SBNO2: variants seen among roughly 807,000 people sequenced by gnomAD.
SBNO2 encodes the protein protein strawberry notch homolog 2.
SBNO2 carries 89 observed loss-of-function variants against 146.3 expected under a neutral mutation model. The ratio of observed to expected loss-of-function variants is 0.61; its 90% CI spans 0.51 to 0.73. The LOEUF (loss-of-function observed/expected upper bound fraction) is 0.73, where lower values mean the gene tolerates loss of function less well. Among genes scored for constraint, SBNO2 ranks in the 30% least tolerant of loss-of-function variants. The probability of loss-of-function intolerance (pLI) is 0.00; values close to 1 mark genes in which losing one functional copy is unlikely to be tolerated. For missense variants in SBNO2, 2,092 were observed against 2,003.7 expected, an observed-to-expected ratio of 1.04 and a Z score of -0.84; for synonymous variants, 1,147 against 892.6, an observed-to-expected ratio of 1.29 and a Z score of -5.08.
intron 4 of SBNO2, 36 bp downstream of exon 4, chr19:1,147,273 G>GC (rs749954887): frequency 1.7e-5 from 24 of 1,407,208 alleles, no homozygotes; most frequent in South Asian, 2.4e-5. Context: ...ACTCCACCCT[G>GC]CCCCCCACGG....
chr19:1,120,195 G>GCGGGCAGGCGGCC (rs2079883930), intron 11 of SBNO2, 172 bp from the exon 12 acceptor site: 1 of 600,538 alleles, frequency 1.7e-6, no homozygotes, highest in Non-Finnish European at 3.0e-6. Flanking sequence ...TGGGGGGCGG[G>GCGGGCAGGCGGCC]CGGGCAGGCG....
At chr19:1,146,250 C>T (rs528140757) in intron 4 of SBNO2, among the ~76,000 whole-genome samples, 21 of 152,204 alleles carry the variant, frequency 1.4e-4, no homozygotes, top group South Asian at 6.2e-4. Context: ...TTGACGGACG[C>T]GGTCACCCCA....
intron 9 of SBNO2, 27 bp from the exon 10 acceptor site, chr19:1,122,585 C>T (rs1162743655): frequency 6.6e-7 from 1 of 1,516,658 alleles, no homozygotes; most frequent in Non-Finnish European, 8.8e-7. Flanking sequence ...TCAGGCGCGC[C>T]CACCCTTCCC....
In SBNO2 at chr19:1,112,229, C is replaced by A; in HGVS notation, c.2588G>T (p.Arg863Leu). Reference sequence around the variant, plus strand: ...CTTGGCCACGATGGAGGCGAACCGGCGCTCCCCGGCCAGCTCCGAGATGAG... The same window carrying A: ...CTTGGCCACGATGGAGGCGAACCGGAGCTCCCCGGCCAGCTCCGAGATGAG... ...VFLISELAGE[R>L]RFASIVAKRL... is the part of the protein sequence containing the mutation. The change falls in exon 22 of 32, where the codon CGC becomes CTC. Residue 863 changes from arginine (R) to leucine (L), a missense_variant. Coordinates refer to ENST00000361757, the MANE Select transcript of SBNO2 (RefSeq NM_014963.3). The surrounding 1 kb of genome is among the most constrained non-coding windows in gnomAD (Gnocchi z 5.9). 6.3e-7 allele frequency: 1 copy of A among 1,590,638 alleles called. No homozygotes were observed. The highest frequency in any genetic ancestry group is 8.6e-7 in the Non-Finnish European group (1 of 1,168,936).
At chr19:1,115,940 A>C in intron 17 of SBNO2, 81 bp downstream of exon 17, 1 of 1,105,690 alleles carries the variant, frequency 9.0e-7, no homozygotes, top group African/African-American at 1.6e-5. Context: ...GGAGTGGGGG[A>C]AGCAGGGAGC....
At chr19:1,117,607 G>T (rs1378329482) in intron 14 of SBNO2, 108 bp from the exon 15 acceptor site, 2 of 1,173,170 alleles carry the variant, frequency 1.7e-6, no homozygotes, top group South Asian at 1.5e-5. Flanking sequence ...ACGCCAGGTG[G>T]AATTTAGGGC....
chr19:1,131,933 A>ACGGGG (rs2080033232), intron 4 of SBNO2, among the ~76,000 whole-genome samples: 1 of 152,184 alleles, frequency 6.6e-6, no homozygotes, highest in African/African-American at 2.4e-5. Flanking sequence ...GAAGAGACGG[A>ACGGGG]CGGGGCGGGG....
chr19:1,149,398 C>T lies in SBNO2; in HGVS notation c.138G>A (p.Pro46=), dbSNP rs942427751. ...HCPYWNTFSL[P]PYPAFSSDSR... ...TGTCGCTGGAGAAGGCAGGGTATGG[C>T]GGCAGCGAGAAGGTGTTCCAGTAGG... The change falls in exon 3 of 32, where the codon CCG becomes CCA. Residue 46 remains proline (P), a synonymous_variant. Transcript: ENST00000361757. 47 of 1,552,226 alleles carry T rather than the reference C, an allele frequency of 3.0e-5. No individual in the cohort carries two copies. Among genetic ancestry groups the T allele is most frequent in the Admixed American group, 2.7e-4 (14 of 51,188 alleles).
intron 4 of SBNO2, chr19:1,132,196 A>G: frequency 7.3e-7 from 1 of 1,371,166 alleles, no homozygotes; most frequent in Non-Finnish European, 9.4e-7. Flanking sequence ...CGGCTCCCTC[A>G]TGACCGCGGC....
intron 18 of SBNO2, among the ~76,000 whole-genome samples, 198 bp from the exon 19 acceptor site, chr19:1,113,902 C>G (rs1441567395): frequency 6.6e-6 from 1 of 152,212 alleles, no homozygotes. Context: ...TGGGGCGAGA[C>G]TAAGCCTCCT....
At chr19:1,153,890 C>T (rs2080264483) in intron 2 of SBNO2, among the ~76,000 whole-genome samples, 1 of 152,114 alleles carries the variant, frequency 6.6e-6, no homozygotes, top group African/African-American at 2.4e-5. Flanking sequence ...TAAAGTTGAG[C>T]CCCCCCTACA....
At chr19:1,111,752 C>T (rs1391703319) in intron 23 of SBNO2, 138 bp from the exon 24 acceptor site, 1 of 733,898 alleles carries the variant, frequency 1.4e-6, no homozygotes, top group African/African-American at 1.8e-5. Flanking sequence ...CCACCTCCCC[C>T]AGCTCTCAGC....
chr19:1,108,438 CG>C lies in SBNO2; in HGVS notation c.3882del (p.Asp1295ThrfsTer58). On this transcript the variant is annotated frameshift_variant, in exon 32 of 32. Coordinates refer to ENST00000361757, the MANE Select transcript of SBNO2 (RefSeq NM_014963.3). LOFTEE classifies it low-confidence loss of function (END_TRUNC). ...AGGGCCGCAGGGTCGGCCTGGGCGT[CG>C]GGGGTGCCCAGCGGCACGACGCCGG... ...AGPGVVPLGT[P>X]DAQADPAALA... The C allele has an allele frequency of 4.8e-6, 6 of 1,247,272 alleles. No homozygotes were observed. Among genetic ancestry groups the C allele is most frequent in the South Asian group, 2.1e-5 (1 of 46,734 alleles). The allele number at this position is 1,247,272 out of a possible 1,614,324, so 77.3% of individuals were successfully genotyped here. A position where few individuals can be genotyped will look rare whatever the true frequency, so the allele number is the denominator to read the frequency against.
At position 1,157,032 on chromosome 19, in the gene SBNO2, C is replaced by T. The variant is rs957921031; in HGVS notation, c.-126-2630G>A. On this transcript the variant is annotated intron_variant, in intron 1 of 31. Transcript: ENST00000361757. This position sits in a 1 kb window ranked among gnomAD's most constrained non-coding sequence, Gnocchi z 6.8. ...CCCCCATCGCCTCCCACCCTGTCCTCGGCCATATCTCACAACCCCTGCTGC... is the reference window on the plus strand; with the variant it reads ...CCCCCATCGCCTCCCACCCTGTCCTTGGCCATATCTCACAACCCCTGCTGC... Among the ~76,000 whole-genome samples the T allele has an allele frequency of 3.6e-5, 4 of 110,500 alleles. No homozygotes were observed. The highest frequency in any genetic ancestry group is 1.1e-4 in the African/African-American group (4 of 35,562). The allele number at this position is 110,500 out of a possible 152,430, so 72.5% of individuals were successfully genotyped here.
At chr19:1,122,096 C>T in intron 11 of SBNO2, 43 bp downstream of exon 11, 1 of 1,368,930 alleles carries the variant, frequency 7.3e-7, no homozygotes, top group Non-Finnish European at 9.5e-7. Context: ...CCCTCCGACC[C>T]CCTAATCCAG....
Position 1,112,668 on chromosome 19 carries a change from G to T in SBNO2, c.2380-131C>A. 7.0e-7 allele frequency: 1 copy of T among 1,437,774 alleles called. No homozygotes were observed. The highest frequency in any genetic ancestry group is 9.2e-7 in the Non-Finnish European group (1 of 1,089,554). The allele number at this position is 1,437,774 out of a possible 1,614,324, so 89.1% of individuals were successfully genotyped here. On this transcript the variant is annotated intron_variant, in intron 20 of 31. Coordinates refer to ENST00000361757, the MANE Select transcript of SBNO2 (RefSeq NM_014963.3). This position sits in a 1 kb window ranked among gnomAD's most constrained non-coding sequence, Gnocchi z 5.9. ...CGGGGCAGCGAGAGGCCTGCGGGGC[G>T]CGGACACCACCCGCCACACGGCCAC...
At chr19:1,120,265 A>C (rs988275720) in intron 11 of SBNO2, 11 of 515,592 alleles carry the variant, frequency 2.1e-5, no homozygotes, top group Admixed American at 1.0e-4. Context: ...ACTCTAAACA[A>C]CACACACCGA....
At position 1,136,846 on chromosome 19, in the gene SBNO2, C is replaced by G. The variant is rs1054182589; in HGVS notation, c.280-9081G>C. 6.6e-6 allele frequency among the ~76,000 whole-genome samples: 1 copy of G among 152,120 alleles called. No individual in the cohort carries two copies. Among genetic ancestry groups the G allele is most frequent in the East Asian group, 1.9e-4 (1 of 5,148 alleles). On this transcript the variant is annotated intron_variant, in intron 4 of 31. Transcript: ENST00000361757. This position sits in a 1 kb window ranked among gnomAD's most constrained non-coding sequence, Gnocchi z 4.2. ...CTCATCCTGAGCTTCCCAGAAGCCC[C>G]CGGGCTGCCAGGCAGAGAGTGTTGT...
rs740495 is a variant in SBNO2 at position 1,124,836 on chromosome 19, A to C, written c.442-814T>G. 1.6e-4 allele frequency among the ~76,000 whole-genome samples: 24 copies of C among 151,900 alleles called. No homozygotes were observed. The South Asian group carries it at 3.1e-3, about 20-fold the overall frequency. On this transcript the variant is annotated intron_variant, in intron 5 of 31. Transcript: ENST00000361757. ...CTCTGGATGAGTCTGTGGCCCACCC[A>C]GGGGTCTCCGAACTGACTGGGCGTG...
Sources: gnomAD v4.1 joint callset for allele counts (sites outside exome capture counted in the v4.1 genomes callset) on GRCh38, gnomAD v4.1.1 for gene constraint, Gnocchi (gnomAD v3.1) non-coding constraint, MANE v1.5 for transcripts, NCBI Gene and HGNC (gene_info 2026-07-23, HGNC 2026-07-21) for gene names.